The following SPATS2 variants were observed in gnomAD, a reference collection of about 807,000 sequenced individuals.
The protein encoded by SPATS2 is spermatogenesis-associated serine-rich protein 2.
A neutral mutation model predicts 63.7 loss-of-function variants in SPATS2; 38 were observed. The observed-to-expected ratio is 0.60, with a 90% CI of 0.46 to 0.78. The LOEUF (loss-of-function observed/expected upper bound fraction) is 0.78. Among genes scored for constraint, SPATS2 ranks in the 30% least tolerant of loss-of-function variants. SPATS2 has a pLI of 0.00. For synonymous variants in SPATS2, 207 were observed against 232.9 expected, an observed-to-expected ratio of 0.89 and a Z score of 1.01; for missense variants, 588 against 666.2, an observed-to-expected ratio of 0.88 and a Z score of 1.29.
At chr12:49,480,627 T>A (rs1032719357) in intron 3 of SPATS2, among the ~76,000 whole-genome samples, 3 of 152,204 alleles carry the variant, frequency 2.0e-5, no homozygotes, top group Non-Finnish European at 4.4e-5. Flanking sequence ...GACATTTCTT[T>A]TGTGTGTATA....
intron 3 of SPATS2, among the ~76,000 whole-genome samples, chr12:49,479,393 G>A (rs1245006016): frequency 6.6e-6 from 1 of 152,340 alleles, no homozygotes; most frequent in East Asian, 1.9e-4. Flanking sequence ...ACTGGAGCAG[G>A]TGCCGACAAC....
intron 2 of SPATS2, among the ~76,000 whole-genome samples, chr12:49,459,018 G>A (rs1387779060): frequency 6.6e-6 from 1 of 152,104 alleles, no homozygotes; most frequent in Non-Finnish European, 1.5e-5. Context: ...CAGCTGGCCT[G>A]CAAATGTAGC....
intron 2 of SPATS2, among the ~76,000 whole-genome samples, chr12:49,383,906 T>G (rs547240248): frequency 6.6e-6 from 1 of 152,322 alleles, no homozygotes; most frequent in East Asian, 1.9e-4. Context: ...TCTAAACATT[T>G]TGGTGAATAC....
Position 49,526,022 on chromosome 12 carries a change from C to T in SPATS2, c.1405C>T (p.Arg469Trp), listed in dbSNP as rs1032739109. Reference sequence around the variant, plus strand: ...GTCCAATGACCCCATGAACCAAGGGCGGCATGACAGTATGGGTCGTTACAG... The same window carrying T: ...GTCCAATGACCCCATGAACCAAGGGTGGCATGACAGTATGGGTCGTTACAG... ...QKSNDPMNQG[R>W]HDSMGRYRNS... is the part of the protein sequence containing the mutation. Residue 469 changes from arginine to tryptophan, a missense_variant, in exon 14 of 14, where the codon CGG (arginine) becomes TGG (tryptophan). Transcript: ENST00000552918. The T allele has an allele frequency of 9.9e-6, 16 of 1,614,098 alleles. No individual in the cohort carries two copies. The Middle Eastern group carries it at 4.9e-4, about 50-fold the overall frequency.
At chr12:49,429,672 T>G (rs1592386748) in intron 2 of SPATS2, among the ~76,000 whole-genome samples, 1 of 151,982 alleles carries the variant, frequency 6.6e-6, no homozygotes. Context: ...GCCAGGCTGG[T>G]CTTGAACTCC....
chr12:49,405,132 A>G lies in SPATS2; in HGVS notation c.-244+33842A>G, dbSNP rs569058830. Among the ~76,000 whole-genome samples the G allele has an allele frequency of 3.9e-5, 6 of 152,194 alleles. No individual in the cohort carries two copies. In the South Asian group the frequency reaches 1.0e-3, roughly 26 times the overall value. On this transcript the variant is annotated intron_variant, in intron 2 of 13. Coordinates refer to ENST00000552918, the MANE Select transcript of SPATS2 (RefSeq NM_023071.4). ...AGTGTGGCACCTGGTTTAACCCATTATTATTATTTCATTGTACCATGTGTG... is the reference window on the plus strand; with the variant it reads ...AGTGTGGCACCTGGTTTAACCCATTGTTATTATTTCATTGTACCATGTGTG...
intron 3 of SPATS2, among the ~76,000 whole-genome samples, chr12:49,463,800 A>G (rs1204664979): frequency 3.9e-5 from 6 of 152,340 alleles, no homozygotes; most frequent in East Asian, 1.9e-4. Flanking sequence ...TTATTCAGCA[A>G]TAGACCATGT....
intron 2 of SPATS2, among the ~76,000 whole-genome samples, chr12:49,449,892 A>G (rs1945587723): frequency 6.6e-6 from 1 of 152,188 alleles, no homozygotes; most frequent in Non-Finnish European, 1.5e-5. Context: ...TCAATCAGTT[A>G]TTGAGAGTGG....
rs61733031 is a variant in SPATS2 at position 49,484,628 on chromosome 12, G to A, written c.64G>A (p.Val22Ile). Reference protein sequence around the residue: ...GFIFDLQSNTVLAQGGAFENM... With the variant: ...GFIFDLQSNTILAQGGAFENM... The stretch of plus-strand genomic sequence containing the variant: ...CATTTTTGATTTGCAGTCCAATACC[G>A]TACTGGCCCAGGGAGGAGCTTTTGA... Residue 22 changes from valine (V) to isoleucine (I), a missense_variant, in exon 4 of 14, where the codon GTA (valine) becomes ATA (isoleucine). Physicochemically the swap from Val to Ile is conservative, Grantham distance 29. Transcript: ENST00000552918. The A allele has an allele frequency of 2.9e-3, 4,729 of 1,613,880 alleles. 106 individuals are homozygous for A. In the African/African-American group the frequency reaches 0.052, roughly 18 times the overall value.
rs368934119 is a variant in SPATS2, at chr12:49,444,698, G to C, written c.-243-16072G>C. Among the ~76,000 whole-genome samples, 72 of 152,142 alleles carry C rather than the reference G, an allele frequency of 4.7e-4. No individual in the cohort carries two copies. The South Asian group carries it at 0.012, about 26-fold the overall frequency. On this transcript the variant is annotated intron_variant, in intron 2 of 13. Transcript: ENST00000552918. ...GGCTCACTGCAACCTCTGCCTCCCA[G>C]GTTCAAGCGATTCTCCTGTCTCAGC...
In SPATS2 at chr12:49,515,455, A is replaced by C. The variant is rs1946823072; in HGVS notation, c.898+842A>C. Among the ~76,000 whole-genome samples the C allele has an allele frequency of 3.3e-5, 5 of 152,230 alleles. No homozygotes were observed. The South Asian group carries it at 1.0e-3, about 31-fold the overall frequency. On this transcript the variant is annotated intron_variant, in intron 10 of 13. Transcript: ENST00000552918. ...CGAGATCATGACTCACAGTTAAATC[A>C]CTTGTGTGTGTGGTCACGGGCCAGA...
intron 2 of SPATS2, among the ~76,000 whole-genome samples, chr12:49,423,982 C>G (rs1408400017): frequency 6.6e-6 from 1 of 152,142 alleles, no homozygotes; most frequent in South Asian, 2.1e-4. Context: ...GCGGGCAAAT[C>G]ACTTGAGGTT....
chr12:49,389,999 A>G, intron 2 of SPATS2: 1 of 849,776 alleles, frequency 1.2e-6, no homozygotes, highest in Non-Finnish European at 2.1e-6. Context: ...CAGGATTGCA[A>G]GGAACAAGAA....
intron 2 of SPATS2, among the ~76,000 whole-genome samples, chr12:49,445,851 G>A (rs1210687347): frequency 6.6e-6 from 1 of 151,868 alleles, no homozygotes; most frequent in Non-Finnish European, 1.5e-5. Context: ...TGTTAATGAT[G>A]TATTTCTCCT....
At chr12:49,468,820 C>G (rs890049092) in intron 3 of SPATS2, among the ~76,000 whole-genome samples, 1 of 152,106 alleles carries the variant, frequency 6.6e-6, no homozygotes, top group Non-Finnish European at 1.5e-5. Flanking sequence ...AGCTATAGAA[C>G]TTTTGAGAAC....
chr12:49,462,334 G>A (rs1256789228), intron 3 of SPATS2: 9 of 702,400 alleles, frequency 1.3e-5, no homozygotes, highest in Non-Finnish European at 2.1e-5. Flanking sequence ...GAACCGGCTG[G>A]CTGCTTCAGT....
Position 49,461,528 on chromosome 12 carries a change from G to A in SPATS2, c.25+491G>A, listed in dbSNP as rs138301467. ...TGGAGGGAAGGACAACAAAGACTTT[G>A]TAAAACCTTTTTCTACTTTTCTAGA... On this transcript the variant is annotated intron_variant, in intron 3 of 13. Coordinates refer to ENST00000552918, the MANE Select transcript of SPATS2 (RefSeq NM_023071.4). 4.3e-3 allele frequency among the ~76,000 whole-genome samples: 648 copies of A among 152,308 alleles called. 4 individuals carry two copies. Among genetic ancestry groups the A allele is most frequent in the Admixed American group, 0.011 (171 of 15,298 alleles).
intron 2 of SPATS2, chr12:49,389,684 G>A (rs377146119): frequency 1.4e-4 from 218 of 1,514,360 alleles, no homozygotes; most frequent in Non-Finnish European, 1.9e-4. Context: ...TAATGAAGTC[G>A]CAAGAACATC....
At chr12:49,441,811 C>T (rs371150321) in intron 2 of SPATS2, 1 of 152,048 alleles carries the variant, frequency 6.6e-6, no homozygotes, top group African/African-American at 2.4e-5. Context: ...GTTGATAAGC[C>T]GTTAGGTAAG....
Sources: gnomAD v4.1 joint callset for allele counts (sites outside exome capture counted in the v4.1 genomes callset) on GRCh38, gnomAD v4.1.1 for gene constraint, MANE v1.5 for transcripts, NCBI Gene and HGNC (gene_info 2026-07-23, HGNC 2026-07-21) for gene names.